Variants in WDPCP observed in about 807,000 individuals in gnomAD.
WDPCP encodes the protein WD repeat containing planar cell polarity effector, also known as WD repeat-containing and planar cell polarity effector protein fritz homolog.
Under a neutral mutation model 93.1 loss-of-function variants are expected in WDPCP, and 71 were observed. The ratio of observed to expected loss-of-function variants is 0.76; its 90% CI spans 0.63 to 0.93. The LOEUF (loss-of-function observed/expected upper bound fraction) is 0.93. Among genes scored for constraint, WDPCP ranks in the 40% least tolerant of loss-of-function variants. The pLI is 0.00. For missense variants in WDPCP, 844 were observed against 887.4 expected, an observed-to-expected ratio of 0.95 and a Z score of 0.62; for synonymous variants, 315 against 315.0, an observed-to-expected ratio of 1.00 and a Z score of 0.00.
rs6706661 is a variant in WDPCP, at chr2:63,780,618, G to A, written n.308+33004C>T. 4.2e-3 allele frequency among the ~76,000 whole-genome samples: 634 copies of A among 152,304 alleles called. 6 individuals are homozygous for A. The highest frequency in any genetic ancestry group is 0.015 in the African/African-American group (605 of 41,570). Reference sequence around the variant, plus strand: ...AAGTAGGAGCTGAAGTGTAAGAAATGAAAGGCAAAGTCAGGAGGAGAATCA... The same window carrying A: ...AAGTAGGAGCTGAAGTGTAAGAAATAAAAGGCAAAGTCAGGAGGAGAATCA... On this transcript the variant is annotated intron_variant and non_coding_transcript_variant, in intron 2 of 4. Transcript: ENST00000467687.
intron 2 of WDPCP, among the ~76,000 whole-genome samples, chr2:63,763,867 G>A (rs1283283162): frequency 6.6e-6 from 1 of 152,146 alleles, no homozygotes; most frequent in East Asian, 1.9e-4. Flanking sequence ...GGGTGGTGGT[G>A]TTGGGGGGAG....
chr2:63,254,625 C>T (rs1301432377), intron 14 of WDPCP, among the ~76,000 whole-genome samples: 1 of 151,940 alleles, frequency 6.6e-6, no homozygotes, highest in East Asian at 1.9e-4. Context: ...TAATATTTTA[C>T]AAAAATTTAA....
chr2:63,133,538 T>C (rs183788177), intron 17 of WDPCP, among the ~76,000 whole-genome samples: 1 of 152,156 alleles, frequency 6.6e-6, no homozygotes, highest in Non-Finnish European at 1.5e-5. Context: ...GGTAACTGAA[T>C]CATGGGGGCA....
At chr2:63,718,716 G>A (rs1474020307) in intron 2 of WDPCP, among the ~76,000 whole-genome samples, 1 of 151,854 alleles carries the variant, frequency 6.6e-6, no homozygotes, top group Non-Finnish European at 1.5e-5. Context: ...TTTACTTTAT[G>A]GATCATTTCT....
At chr2:63,226,275 A>T (rs912295694) in intron 14 of WDPCP, among the ~76,000 whole-genome samples, 3 of 152,054 alleles carry the variant, frequency 2.0e-5, no homozygotes, top group African/African-American at 7.2e-5. Context: ...ACTCTAACCC[A>T]GAGAAACCTA....
At chr2:63,500,403 G>A (rs1241963860) in intron 1 of WDPCP, among the ~76,000 whole-genome samples, 1 of 151,778 alleles carries the variant, frequency 6.6e-6, no homozygotes, top group East Asian at 1.9e-4. Context: ...TTAAAAGACA[G>A]ACTAAGATAA....
At chr2:63,179,121 A>G (rs1202316990) in intron 14 of WDPCP, among the ~76,000 whole-genome samples, 1 of 150,872 alleles carries the variant, frequency 6.6e-6, no homozygotes, top group Non-Finnish European at 1.5e-5. Context: ...GAATCGCTTG[A>G]CCAGGGAAAT....
chr2:63,801,251 T>G (rs1340248943), intron 2 of WDPCP, among the ~76,000 whole-genome samples: 3 of 152,136 alleles, frequency 2.0e-5, no homozygotes, highest in Non-Finnish European at 2.9e-5. Flanking sequence ...CCAAGATGGC[T>G]CAAAGAAATC....
At chr2:63,822,051 T>C (rs1671034131) in intron 1 of WDPCP, among the ~76,000 whole-genome samples, 1 of 152,154 alleles carries the variant, frequency 6.6e-6, no homozygotes, top group Non-Finnish European at 1.5e-5. Flanking sequence ...GGTTTGTGAA[T>C]CAATCAATCT....
At chr2:63,148,828 A>G (rs997091584) in intron 17 of WDPCP, among the ~76,000 whole-genome samples, 3 of 150,378 alleles carry the variant, frequency 2.0e-5, no homozygotes, top group African/African-American at 4.9e-5. Flanking sequence ...AGCTGCTGCC[A>G]AAGACTAATA....
At chr2:63,391,687 A>G (rs998310731) in intron 10 of WDPCP, among the ~76,000 whole-genome samples, 2 of 152,230 alleles carry the variant, frequency 1.3e-5, no homozygotes, top group East Asian at 3.9e-4. Flanking sequence ...CAATGTCAGC[A>G]AAGTCTCAGG....
intron 6 of WDPCP, among the ~76,000 whole-genome samples, chr2:63,477,654 C>T (rs1271004273): frequency 6.6e-6 from 1 of 152,118 alleles, no homozygotes; most frequent in Non-Finnish European, 1.5e-5. Flanking sequence ...TCCACAGACC[C>T]TCTGAAGGAA....
intron 15 of WDPCP, among the ~76,000 whole-genome samples, chr2:63,157,024 C>A (rs1320998863): frequency 6.7e-6 from 1 of 150,202 alleles, no homozygotes; most frequent in African/African-American, 2.4e-5. Flanking sequence ...GAGGAAGCCC[C>A]CTTCTACTCC....
chr2:63,687,797 A>C (rs1335449712), intron 2 of WDPCP, among the ~76,000 whole-genome samples: 1 of 152,198 alleles, frequency 6.6e-6, no homozygotes, highest in African/African-American at 2.4e-5. Context: ...AAAAACAAAA[A>C]ATAAAGCTAC....
chr2:63,568,406 T>C (rs1707235795), intron 1 of WDPCP, among the ~76,000 whole-genome samples: 1 of 151,866 alleles, frequency 6.6e-6, no homozygotes, highest in South Asian at 2.1e-4. Context: ...CAACAGCCTC[T>C]CATTTGTAAT....
At chr2:63,778,094 T>C (rs1253610065) in intron 2 of WDPCP, among the ~76,000 whole-genome samples, 3 of 152,216 alleles carry the variant, frequency 2.0e-5, no homozygotes, top group Admixed American at 6.5e-5. Flanking sequence ...TTCTGTGCTA[T>C]GGGCACACAG....
Position 63,511,023 on chromosome 2 carries a change from C to T in WDPCP, c.76-18083G>A, listed in dbSNP as rs1702199607. 2.6e-5 allele frequency among the ~76,000 whole-genome samples: 4 copies of T among 152,192 alleles called. No homozygotes were observed. In the South Asian group the frequency reaches 8.3e-4, roughly 32 times the overall value. On this transcript the variant is annotated intron_variant, in intron 1 of 17. Transcript: ENST00000272321. Reference sequence around the variant, plus strand: ...ACCCCATCATCTCAGCCCAAAATCTCCTTAAGCTGATAAGCAACTTCAGCA... The same window carrying T: ...ACCCCATCATCTCAGCCCAAAATCTTCTTAAGCTGATAAGCAACTTCAGCA...
rs760417701 is a variant in WDPCP at position 63,481,119 on chromosome 2, CCAGCAAA to C, written c.384+3478_384+3484del. 2.3e-3 allele frequency among the ~76,000 whole-genome samples: 357 copies of C among 152,014 alleles called. 1 individual carries two copies. The highest frequency in any genetic ancestry group is 4.3e-3 in the Non-Finnish European group (295 of 67,952). On this transcript the variant is annotated intron_variant, in intron 6 of 17. Transcript: ENST00000272321. ...TTTTCAAAAGAAGATATACAAATGGCCAGCAAACACATGGAAAAACGCTCAATATCAC... is the reference window on the plus strand; with the variant it reads ...TTTTCAAAAGAAGATATACAAATGGCCACATGGAAAAACGCTCAATATCAC...
At chr2:63,823,369 G>A (rs1485581413) in intron 1 of WDPCP, among the ~76,000 whole-genome samples, 1 of 152,026 alleles carries the variant, frequency 6.6e-6, no homozygotes, top group Non-Finnish European at 1.5e-5. Flanking sequence ...AGCCAAGCGT[G>A]GTTGCACGCA....
Sources: gnomAD v4.1 joint callset for allele counts (sites outside exome capture counted in the v4.1 genomes callset) on GRCh38, gnomAD v4.1.1 for gene constraint, MANE v1.5 for transcripts, NCBI Gene and HGNC (gene_info 2026-07-23, HGNC 2026-07-21) for gene names.